SLC4A7: variants seen among roughly 807,000 people sequenced by gnomAD.
SLC4A7 encodes sodium bicarbonate cotransporter 3.
In SLC4A7, 51 loss-of-function variants were observed where a neutral mutation model predicts 137.6. The observed-to-expected ratio is 0.37, with a 90% CI of 0.30 to 0.47. The LOEUF (loss-of-function observed/expected upper bound fraction) is 0.47, where lower values mean the gene tolerates loss of function less well. SLC4A7 is among the 20% of genes least tolerant of loss of function. The pLI is 1.00. For synonymous variants in SLC4A7, 542 were observed against 518.6 expected (o/e 1.05, Z -0.61); for missense variants, 1,247 against 1,525.4 (o/e 0.82, Z 3.04).
chr3:27,478,202 G>GA (rs35022050), intron 1 of SLC4A7, among the ~76,000 whole-genome samples: 43 of 147,430 alleles, frequency 2.9e-4, no homozygotes, highest in African/African-American at 8.0e-4. Flanking sequence ...GAAAAATGAG[G>GA]AAAAAAAAAA....
chr3:27,455,232 C>T (rs1576577488), intron 1 of SLC4A7, among the ~76,000 whole-genome samples: 1 of 151,946 alleles, frequency 6.6e-6, no homozygotes, highest in Admixed American at 6.6e-5. Context: ...GAAACCAGAC[C>T]CAAAAAATGG....
At chr3:27,402,517 T>C (rs539116864) in intron 15 of SLC4A7, among the ~76,000 whole-genome samples, 27 of 152,210 alleles carry the variant, frequency 1.8e-4, no homozygotes, top group African/African-American at 5.5e-4. Context: ...CTGGCCAACA[T>C]GGCGAAACTC....
intron 1 of SLC4A7, among the ~76,000 whole-genome samples, chr3:27,463,137 A>G (rs1211885597): frequency 2.0e-5 from 3 of 149,240 alleles, no homozygotes; most frequent in Non-Finnish European, 4.5e-5. Flanking sequence ...CTCAAAATAC[A>G]AAAGTTAGGG....
intron 6 of SLC4A7, among the ~76,000 whole-genome samples, chr3:27,431,880 TA>T (rs962440884): frequency 3.6e-4 from 54 of 151,522 alleles, no homozygotes; most frequent in South Asian, 6.2e-4. Context: ...TCAGAACACA[TA>T]AAAAAAAATT....
chr3:27,400,676 T>A, intron 16 of SLC4A7, 88 bp downstream of exon 16: 1 of 736,662 alleles, frequency 1.4e-6, no homozygotes, highest in South Asian at 1.9e-5. Context: ...GATCCATCAA[T>A]CAAGAGAAAA....
chr3:27,379,665 A>G (rs1466267340), intron 24 of SLC4A7, among the ~76,000 whole-genome samples: 1 of 152,196 alleles, frequency 6.6e-6, no homozygotes, highest in Non-Finnish European at 1.5e-5. Flanking sequence ...GGCTGAAAAT[A>G]TGTTACTGAA....
At chr3:27,481,822 A>G (rs2059720468) in intron 1 of SLC4A7, among the ~76,000 whole-genome samples, 1 of 152,130 alleles carries the variant, frequency 6.6e-6, no homozygotes, top group African/African-American at 2.4e-5. Context: ...CTGTCTCCCA[A>G]CTCAAATATC....
chr3:27,382,904 C>A (rs1210048506), intron 24 of SLC4A7, among the ~76,000 whole-genome samples: 2 of 152,162 alleles, frequency 1.3e-5, no homozygotes, highest in African/African-American at 2.4e-5. Context: ...AGAAGACAAG[C>A]AAATTTTATT....
At chr3:27,384,096 G>A (rs1322280149) in intron 23 of SLC4A7, among the ~76,000 whole-genome samples, 2 of 152,080 alleles carry the variant, frequency 1.3e-5, no homozygotes, top group Non-Finnish European at 2.9e-5. Flanking sequence ...GACACTGAGA[G>A]AACATTCATA....
chr3:27,389,137 A>G (rs191940765), intron 22 of SLC4A7, among the ~76,000 whole-genome samples: 198 of 152,228 alleles, frequency 1.3e-3, no homozygotes, highest in Non-Finnish European at 1.6e-4. Flanking sequence ...GTCTTCTTGA[A>G]TAATAAAGGC....
At chr3:27,472,536 C>A (rs192258220) in intron 1 of SLC4A7, among the ~76,000 whole-genome samples, 21 of 152,112 alleles carry the variant, frequency 1.4e-4, no homozygotes, top group African/African-American at 5.1e-4. Flanking sequence ...AAATTGAATG[C>A]AGTGATATAA....
At chr3:27,402,047 C>T (rs945334270) in intron 15 of SLC4A7, among the ~76,000 whole-genome samples, 10 of 151,988 alleles carry the variant, frequency 6.6e-5, no homozygotes, top group Admixed American at 2.6e-4. Flanking sequence ...GGGGGAAGAA[C>T]GAATGAACAA....
chr3:27,452,578 C>T, intron 1 of SLC4A7, 80 bp from the exon 2 acceptor site: 2 of 814,810 alleles, frequency 2.5e-6, no homozygotes, highest in East Asian at 2.8e-5. Context: ...GAAATGGCAA[C>T]AAAATATAAA....
chr3:27,405,443 A>G (rs889644015), intron 13 of SLC4A7, among the ~76,000 whole-genome samples: 2 of 152,232 alleles, frequency 1.3e-5, no homozygotes, highest in Non-Finnish European at 2.9e-5. Context: ...TAAATGGGAG[A>G]GACACATACT....
At chr3:27,428,375 T>C (rs2055880684) in intron 7 of SLC4A7, 3 of 154,332 alleles carry the variant, frequency 1.9e-5, no homozygotes, top group African/African-American at 7.2e-5. Context: ...ATTAGAAATA[T>C]GGTATTTGAA....
chr3:27,437,951 CTT>C (rs750432580), intron 3 of SLC4A7, among the ~76,000 whole-genome samples: 21 of 152,232 alleles, frequency 1.4e-4, no homozygotes, highest in Admixed American at 5.9e-4. Flanking sequence ...AATCCCAGCA[CTT>C]TGAGAGGCAG....
intron 8 of SLC4A7, chr3:27,422,918 A>T: frequency 2.4e-6 from 1 of 409,790 alleles, no homozygotes; most frequent in Admixed American, 2.7e-5. Flanking sequence ...GAGGAACAAA[A>T]ATAAACGGCA....
intron 9 of SLC4A7, among the ~76,000 whole-genome samples, chr3:27,421,041 C>T (rs1193717882): frequency 6.6e-6 from 1 of 151,994 alleles, no homozygotes; most frequent in Non-Finnish European, 1.5e-5. Context: ...GTGATCCACC[C>T]ACCTTGGCCT....
intron 1 of SLC4A7, among the ~76,000 whole-genome samples, chr3:27,468,853 A>G (rs1200998749): frequency 6.6e-6 from 1 of 152,172 alleles, no homozygotes; most frequent in Non-Finnish European, 1.5e-5. Flanking sequence ...CATGCATATA[A>G]TCCTAGCATT....
Sources: allele counts gnomAD v4.1 joint callset (sites outside exome capture counted in the v4.1 genomes callset), GRCh38; gene constraint gnomAD v4.1.1; transcripts MANE v1.5; gene names NCBI Gene and HGNC (gene_info 2026-07-23, HGNC 2026-07-21).